Variants in GALNT17 observed in about 807,000 individuals in gnomAD.
GALNT17 encodes the protein polypeptide N-acetylgalactosaminyltransferase 17.
In GALNT17, 29 loss-of-function variants were observed where a neutral mutation model predicts 63.7. The observed-to-expected ratio is 0.46, with a 90% CI of 0.34 to 0.62. GALNT17 has a LOEUF of 0.62. Ranked by LOEUF, GALNT17 falls within the 20% of genes least tolerant of loss-of-function variation. The pLI is 0.01. For missense variants in GALNT17, 603 were observed against 799.6 expected (o/e 0.75, Z 2.97); for synonymous variants, 305 against 318.3 (o/e 0.96, Z 0.45).
At chr7:71,294,079 G>T (rs59753402) in intron 1 of GALNT17, among the ~76,000 whole-genome samples, 3 of 151,334 alleles carry the variant, frequency 2.0e-5, no homozygotes, top group African/African-American at 7.3e-5. Flanking sequence ...GGAGAATGGT[G>T]TGAACCCGGG....
intron 4 of GALNT17, among the ~76,000 whole-genome samples, chr7:71,420,366 C>T (rs939402897): frequency 6.6e-6 from 1 of 151,914 alleles, no homozygotes; most frequent in African/African-American, 2.4e-5. Context: ...ATTAAATCAT[C>T]AATTAAAACA....
At chr7:71,464,973 G>C (rs1029084355) in intron 5 of GALNT17, among the ~76,000 whole-genome samples, 4 of 152,210 alleles carry the variant, frequency 2.6e-5, no homozygotes, top group African/African-American at 9.6e-5. Context: ...AAACTGAGAA[G>C]ATGGTGGACT....
At chr7:71,471,567 T>C (rs1583982829) in intron 5 of GALNT17, among the ~76,000 whole-genome samples, 1 of 152,196 alleles carries the variant, frequency 6.6e-6, no homozygotes, top group African/African-American at 2.4e-5. Context: ...AATTCTACCT[T>C]CCAAAGTCCT....
At chr7:71,693,309 C>CATATATATATATATATATATAT (rs369668179) in intron 9 of GALNT17, among the ~76,000 whole-genome samples, 3 of 124,196 alleles carry the variant, frequency 2.4e-5, no homozygotes, top group South Asian at 7.0e-4. Flanking sequence ...CACACACACA[C>CATATATATATATATATATATAT]ATATATATAT....
chr7:71,443,434 A>G (rs949079171), intron 5 of GALNT17, among the ~76,000 whole-genome samples: 2 of 152,108 alleles, frequency 1.3e-5, no homozygotes, highest in Admixed American at 1.3e-4. Flanking sequence ...GGTCATGGGG[A>G]CAGACCCCTC....
chr7:71,483,997 A>G (rs574044594), intron 5 of GALNT17, among the ~76,000 whole-genome samples: 1 of 152,248 alleles, frequency 6.6e-6, no homozygotes, highest in African/African-American at 2.4e-5. Flanking sequence ...GTAGGTCTTC[A>G]GGGGCAATAA....
chr7:71,204,680 C>T (rs895855696), intron 1 of GALNT17, among the ~76,000 whole-genome samples: 1 of 151,944 alleles, frequency 6.6e-6, no homozygotes, highest in Non-Finnish European at 1.5e-5. Context: ...ATTCTCCTGC[C>T]TCAGCCACCT....
chr7:71,226,994 A>G (rs1381339300), intron 1 of GALNT17, among the ~76,000 whole-genome samples: 1 of 151,866 alleles, frequency 6.6e-6, no homozygotes, highest in Non-Finnish European at 1.5e-5. Flanking sequence ...GGGCAGGATC[A>G]TCTCTGTCCC....
At chr7:71,481,247 G>C (rs987457798) in intron 5 of GALNT17, among the ~76,000 whole-genome samples, 1 of 152,154 alleles carries the variant, frequency 6.6e-6, no homozygotes, top group African/African-American at 2.4e-5. Flanking sequence ...AGGAATTCGA[G>C]ACCAGCCTGG....
chr7:71,156,510 T>TA (rs1297325530), intron 1 of GALNT17, among the ~76,000 whole-genome samples: 1 of 151,720 alleles, frequency 6.6e-6, no homozygotes, highest in Non-Finnish European at 1.5e-5. Flanking sequence ...CTTCAAGCAA[T>TA]ACATCTGTAA....
intron 1 of GALNT17, among the ~76,000 whole-genome samples, chr7:71,211,353 A>G (rs1284655539): frequency 6.6e-6 from 1 of 152,204 alleles, no homozygotes; most frequent in African/African-American, 2.4e-5. Flanking sequence ...GCCATGTAAG[A>G]TGCGGCATGT....
intron 1 of GALNT17, among the ~76,000 whole-genome samples, chr7:71,258,084 C>T (rs1051719624): frequency 5.3e-5 from 8 of 152,232 alleles, no homozygotes; most frequent in African/African-American, 1.7e-4. Context: ...AAAGGCCACC[C>T]TCTTCCTTAA....
chr7:71,498,932 T>C (rs1473028099), intron 5 of GALNT17, among the ~76,000 whole-genome samples: 1 of 152,208 alleles, frequency 6.6e-6, no homozygotes, highest in Admixed American at 6.5e-5. Context: ...GAGGACATGG[T>C]GACATTTAAT....
intron 1 of GALNT17, among the ~76,000 whole-genome samples, chr7:71,161,142 T>C (rs555872858): frequency 6.6e-6 from 1 of 152,310 alleles, no homozygotes; most frequent in Non-Finnish European, 1.5e-5. Context: ...ACTTTTGATA[T>C]ATTTTGTCAA....
intron 9 of GALNT17, among the ~76,000 whole-genome samples, chr7:71,684,972 CTTT>C (rs34768337): frequency 1.3e-5 from 2 of 151,116 alleles, no homozygotes; most frequent in African/African-American, 4.9e-5. Flanking sequence ...GCACCACCTG[CTTT>C]TTTTTTATTA....
At chr7:71,222,059 C>T (rs550341452) in intron 1 of GALNT17, among the ~76,000 whole-genome samples, 6 of 152,036 alleles carry the variant, frequency 3.9e-5, no homozygotes, top group Non-Finnish European at 5.9e-5. Context: ...GGGCACCCGG[C>T]ACCACGCCCG....
intron 5 of GALNT17, among the ~76,000 whole-genome samples, chr7:71,481,365 C>T (rs542939633): frequency 3.9e-5 from 6 of 152,214 alleles, no homozygotes; most frequent in South Asian, 4.2e-4. Context: ...GCAGGAGAAT[C>T]GCTTGAACCC....
chr7:71,711,630 CCT>C lies in GALNT17; in HGVS notation c.1669-383_1669-382del, dbSNP rs1352041676. 1.5e-4 allele frequency among the ~76,000 whole-genome samples: 22 copies of C among 151,048 alleles called. No individual in the cohort carries two copies. In the East Asian group the frequency reaches 3.2e-3, roughly 22 times the overall value. ...TCTCCTGTCTTCTCTCTGTTCCTCT[CCT>C]CTCTTCTCTTTTTTCTCTCTCCCCT... On this transcript the variant is annotated intron_variant, in intron 10 of 10. Coordinates refer to ENST00000333538, the MANE Select transcript of GALNT17 (RefSeq NM_022479.3).
intron 1 of GALNT17, among the ~76,000 whole-genome samples, chr7:71,227,033 C>G (rs1454633334): frequency 6.6e-6 from 1 of 151,714 alleles, no homozygotes; most frequent in Non-Finnish European, 1.5e-5. Context: ...TCCTTGAAAT[C>G]TGCATTTAAA....
Sources: gnomAD v4.1 joint callset for allele counts (sites outside exome capture counted in the v4.1 genomes callset) on GRCh38, gnomAD v4.1.1 for gene constraint, MANE v1.5 for transcripts, NCBI Gene and HGNC (gene_info 2026-07-23, HGNC 2026-07-21) for gene names.